Variants in DISC1 observed in about 807,000 individuals in gnomAD.
The protein encoded by DISC1 is disrupted in schizophrenia 1 protein.
Under a neutral mutation model 84.5 loss-of-function variants are expected in DISC1, and 57 were observed. The ratio of observed to expected loss-of-function variants is 0.67; its 90% confidence interval spans 0.55 to 0.84. The LOEUF is 0.84. Among genes scored for constraint, DISC1 ranks in the 40% least tolerant of loss-of-function variants. DISC1 has a pLI of 0.00. For missense variants in DISC1, 1,000 were observed against 1,057.8 expected (o/e 0.95, Z 0.76); for synonymous variants, 411 against 415.2 (o/e 0.99, Z 0.12).
intron 9 of DISC1, among the ~76,000 whole-genome samples, chr1:231,931,645 A>G (rs1405266596): frequency 7.2e-6 from 1 of 137,942 alleles, no homozygotes; most frequent in Non-Finnish European, 1.6e-5. Context: ...ACTGCTTGTG[A>G]TTTTTTTTTT....
At chr1:231,683,634 G>A (rs2063923598) in intron 1 of DISC1, among the ~76,000 whole-genome samples, 1 of 151,282 alleles carries the variant, frequency 6.6e-6, no homozygotes, top group African/African-American at 2.4e-5. Context: ...ATCCCAGTGT[G>A]GTTTCCTTGG....
intron 6 of DISC1, among the ~76,000 whole-genome samples, chr1:231,779,407 G>A (rs957064961): frequency 1.3e-5 from 2 of 152,136 alleles, no homozygotes; most frequent in East Asian, 3.9e-4. Context: ...ACATGTAAAT[G>A]TTAAGTCTCC....
intron 10 of DISC1, among the ~76,000 whole-genome samples, chr1:232,006,558 T>G (rs1201544183): frequency 1.3e-5 from 2 of 152,138 alleles, no homozygotes; most frequent in Non-Finnish European, 2.9e-5. Flanking sequence ...AGCAAAGCAT[T>G]CAAGACGAGA....
intron 4 of DISC1, among the ~76,000 whole-genome samples, chr1:231,763,713 A>G (rs2075959479): frequency 6.6e-6 from 1 of 152,172 alleles, no homozygotes; most frequent in Non-Finnish European, 1.5e-5. Context: ...CCCCAGCTTT[A>G]AAGTCTACCA....
intron 9 of DISC1, among the ~76,000 whole-genome samples, chr1:231,913,959 T>C (rs2089439880): frequency 6.6e-6 from 1 of 152,196 alleles, no homozygotes; most frequent in African/African-American, 2.4e-5. Context: ...AGGAATTTCA[T>C]ACAGCTCTAA....
At chr1:231,804,232 A>C (rs1225035830) in intron 8 of DISC1, among the ~76,000 whole-genome samples, 2 of 152,196 alleles carry the variant, frequency 1.3e-5, no homozygotes, top group Non-Finnish European at 2.9e-5. Flanking sequence ...AGTCTCAATG[A>C]GAGGTGTGTC....
intron 9 of DISC1, among the ~76,000 whole-genome samples, chr1:231,893,729 A>G (rs2087445241): frequency 6.6e-6 from 1 of 152,186 alleles, no homozygotes; most frequent in Non-Finnish European, 1.5e-5. Flanking sequence ...TGGGCGTGGC[A>G]TACGTTAGGA....
rs1255122383 is a variant in DISC1, at chr1:231,698,507, CGT to C, written c.1048-3447_1048-3446del. 6.6e-6 allele frequency among the ~76,000 whole-genome samples: 1 copy of C among 152,080 alleles called. No individual in the cohort carries two copies. Among genetic ancestry groups the C allele is most frequent in the Non-Finnish European group, 1.5e-5 (1 of 68,030 alleles). On this transcript the variant is annotated intron_variant, in intron 2 of 12. Coordinates refer to ENST00000439617, the MANE Select transcript of DISC1 (RefSeq NM_018662.3). This position sits in a 1 kb window ranked among gnomAD's most constrained non-coding sequence, Gnocchi z 4.9. ...ACTCTGCCTGTAGAGTATTATAGGA[CGT>C]TCCACAGGCAGGGTTGTGGCACAGT...
intron 8 of DISC1, among the ~76,000 whole-genome samples, chr1:231,807,073 G>T (rs1366658199): frequency 6.6e-6 from 1 of 152,218 alleles, no homozygotes; most frequent in African/African-American, 2.4e-5. Context: ...CACTGCTGGG[G>T]GCCCTCAACC....
At chr1:231,759,551 AC>A (rs1558492940) in intron 4 of DISC1, among the ~76,000 whole-genome samples, 5 of 139,654 alleles carry the variant, frequency 3.6e-5, no homozygotes, top group Admixed American at 7.3e-5. Context: ...AAAAAAAAAA[AC>A]AAAACTAGCC....
At chr1:231,705,526 C>T (rs201666419) in intron 3 of DISC1, among the ~76,000 whole-genome samples, 1 of 151,604 alleles carries the variant, frequency 6.6e-6, no homozygotes, top group Non-Finnish European at 1.5e-5. Flanking sequence ...AGCCACCATC[C>T]CAAAGTTAGG....
At chr1:231,863,592 C>A (rs1347136126) in intron 9 of DISC1, among the ~76,000 whole-genome samples, 1 of 152,158 alleles carries the variant, frequency 6.6e-6, no homozygotes, top group African/African-American at 2.4e-5. Flanking sequence ...CGAACCATTG[C>A]TTTTAATAAC....
chr1:231,727,369 C>G (rs1411604686), intron 3 of DISC1, among the ~76,000 whole-genome samples: 1 of 152,172 alleles, frequency 6.6e-6, no homozygotes, highest in African/African-American at 2.4e-5. Context: ...TTCAGAACCA[C>G]TGATGCCTGG....
chr1:231,872,418 T>C (rs1453104650), intron 9 of DISC1, among the ~76,000 whole-genome samples: 2 of 152,212 alleles, frequency 1.3e-5, no homozygotes, highest in Admixed American at 6.5e-5. Flanking sequence ...TTGACCCTGA[T>C]CTAGTGATAC....
chr1:231,750,245 G>T, intron 4 of DISC1, 169 bp downstream of exon 4: 2 of 1,422,182 alleles, frequency 1.4e-6, no homozygotes, highest in Non-Finnish European at 1.8e-6. Flanking sequence ...GTGAGAGATG[G>T]CCCATGTGGG....
intron 9 of DISC1, among the ~76,000 whole-genome samples, chr1:231,936,641 A>G (rs200782131): frequency 8.5e-5 from 13 of 152,174 alleles, no homozygotes; most frequent in African/African-American, 2.9e-4. Context: ...ACCTGTCTCT[A>G]AAGATCCCGG....
chr1:231,850,480 C>T (rs1268735197), intron 9 of DISC1, among the ~76,000 whole-genome samples: 1 of 152,234 alleles, frequency 6.6e-6, no homozygotes, highest in Non-Finnish European at 1.5e-5. Context: ...TGAAAATCTT[C>T]CCGAGTTGTG....
intron 3 of DISC1, among the ~76,000 whole-genome samples, chr1:231,746,811 TC>T (rs1459331264): frequency 6.6e-6 from 1 of 152,216 alleles, no homozygotes; most frequent in Admixed American, 6.5e-5. Context: ...AGATTGTATT[TC>T]TTTTGTTGAG....
rs1309733479 is a variant in DISC1 at position 231,850,657 on chromosome 1, AAAGAAAAAGAAG to A, written c.1981+32143_1981+32154del. ...TCTCTATACACTAAAAAAAGAAGAA[AAAGAAAAAGAAG>A]AAAAGTGGAAAAGAAGAGATTTCTC... On this transcript the variant is annotated intron_variant, in intron 9 of 12. Coordinates refer to ENST00000439617, the MANE Select transcript of DISC1 (RefSeq NM_018662.3). 4.6e-5 allele frequency among the ~76,000 whole-genome samples: 7 copies of A among 152,388 alleles called. 1 individual carries two copies. The highest frequency in any genetic ancestry group is 1.7e-4 in the African/African-American group (7 of 41,596).
Sources: allele counts gnomAD v4.1 joint callset (sites outside exome capture counted in the v4.1 genomes callset), GRCh38; gene constraint gnomAD v4.1.1; non-coding constraint Gnocchi (gnomAD v3.1); transcripts MANE v1.5; gene names NCBI Gene and HGNC (gene_info 2026-07-23, HGNC 2026-07-21).